The following SAFB variants were observed in gnomAD, a reference collection of about 807,000 sequenced individuals.
The protein encoded by SAFB is scaffold attachment factor B1.
SAFB carries 15 observed loss-of-function variants against 101.6 expected under a neutral mutation model. The observed-to-expected ratio is 0.15, with a 90% CI of 0.10 to 0.23. SAFB has a LOEUF of 0.23. Ranked by LOEUF, SAFB falls within the 10% of genes least tolerant of loss-of-function variation. The probability of loss-of-function intolerance (pLI) is 1.00; values close to 1 mark genes in which losing one functional copy is unlikely to be tolerated. For missense variants in SAFB, 930 were observed against 1,104.1 expected (o/e 0.84, Z 2.23); for synonymous variants, 449 against 407.5 (o/e 1.10, Z -1.23).
intron 15 of SAFB, 119 bp from the exon 16 acceptor site, chr19:5,663,903 G>C: frequency 8.8e-7 from 1 of 1,138,178 alleles, no homozygotes; most frequent in Non-Finnish European, 1.3e-6. Context: ...CTATAGGAGA[G>C]AACACTCTTG....
rs1335720571 is a variant in SAFB, at chr19:5,667,004, A to T, written c.2335-42A>T. 1 of 1,266,520 alleles carries T rather than the reference A, an allele frequency of 7.9e-7. No homozygotes were observed. The highest frequency in any genetic ancestry group is 1.2e-6 in the Non-Finnish European group (1 of 863,128). 78.5% of individuals were successfully genotyped at this position (1,266,520 alleles called of 1,614,324 possible). Reference sequence around the variant, plus strand: ...GAAAAGCCTTGGGGTCTGGGCGCTGACACTGAAGCTTTTTTTTCCCTTCTG... The same window carrying T: ...GAAAAGCCTTGGGGTCTGGGCGCTGTCACTGAAGCTTTTTTTTCCCTTCTG... On this transcript the variant is annotated intron_variant, in intron 17 of 20. Coordinates refer to ENST00000588852, the MANE Select transcript of SAFB (RefSeq NM_001201338.2). The surrounding 1 kb of genome is among the most constrained non-coding windows in gnomAD (Gnocchi z 4.0).
At position 5,653,676 on chromosome 19, in the gene SAFB, G is replaced by T. The variant is rs2053990311; in HGVS notation, c.1526+256G>T. ...GATGGGGTTTCACCATATTGGCCAG[G>T]CTGGTCTTGAACTCCTGACCTTGTG... On this transcript the variant is annotated intron_variant, in intron 11 of 20. Transcript: ENST00000588852. 2.6e-5 allele frequency among the ~76,000 whole-genome samples: 4 copies of T among 152,096 alleles called. No individual in the cohort carries two copies. The South Asian group carries it at 8.3e-4, about 31-fold the overall frequency.
At chr19:5,661,832 A>T in intron 15 of SAFB, 24 bp downstream of exon 15, 1 of 1,482,224 alleles carries the variant, frequency 6.7e-7, no homozygotes, top group African/African-American at 1.4e-5. Context: ...TGCTGCCCTT[A>T]GCACGTGGCG....
intron 4 of SAFB, among the ~76,000 whole-genome samples, chr19:5,643,018 T>C (rs1480168513): frequency 6.6e-6 from 1 of 152,112 alleles, no homozygotes; most frequent in Non-Finnish European, 1.5e-5. Context: ...GTCCCCATTT[T>C]CAGTTGAGGA....
At position 5,653,403 on chromosome 19, in the gene SAFB, G is replaced by A; in HGVS notation, c.1509G>A (p.Lys503=). 1 of 1,614,136 alleles carries A rather than the reference G, an allele frequency of 6.2e-7. No individual in the cohort carries two copies. Among genetic ancestry groups the A allele is most frequent in the Non-Finnish European group, 8.5e-7 (1 of 1,179,990 alleles). The change falls in exon 11 of 21, where the codon AAG becomes AAA. Residue 503 remains lysine, a synonymous_variant. Transcript: ENST00000588852. The part of the protein sequence containing the change: ...DKRDSDGKKE[K]SSNSDRSTNL... Reference sequence around the variant, plus strand: ...GAGACAGTGACGGGAAAAAGGAGAAGTCGAGCAACAGTGACAGGTACCCCT... The same window carrying A: ...GAGACAGTGACGGGAAAAAGGAGAAATCGAGCAACAGTGACAGGTACCCCT...
Position 5,630,918 on chromosome 19 carries a change from G to A in SAFB, c.274+4429G>A, listed in dbSNP as rs181487869. 4.7e-3 allele frequency among the ~76,000 whole-genome samples: 713 copies of A among 152,104 alleles called. 8 individuals carry two copies. Among genetic ancestry groups the A allele is most frequent in the South Asian group, 0.02 (94 of 4,816 alleles). On this transcript the variant is annotated intron_variant, in intron 2 of 20. Coordinates refer to ENST00000588852, the MANE Select transcript of SAFB (RefSeq NM_001201338.2). ...AAAACATGAAACATTTAGGCTGGGC[G>A]TGGTGGCTCATGCCTGTAATCCCAG... is the stretch of plus-strand genomic sequence containing the variant.
At chr19:5,636,681 G>A (rs908559343) in intron 2 of SAFB, among the ~76,000 whole-genome samples, 4 of 151,888 alleles carry the variant, frequency 2.6e-5, no homozygotes, top group African/African-American at 7.3e-5. Context: ...CCAGTTACAA[G>A]AATAGTTTCC....
chr19:5,623,096 G>C lies in SAFB; in HGVS notation c.-110G>C, dbSNP rs1432291902. 2.6e-6 allele frequency: 3 copies of C among 1,157,324 alleles called. No individual in the cohort carries two copies. The highest frequency in any genetic ancestry group is 3.7e-6 in the Non-Finnish European group (3 of 810,406). The allele number at this position is 1,157,324 out of a possible 1,614,324, so 71.7% of individuals were successfully genotyped here. On this transcript the variant is annotated 5_prime_UTR_variant, in exon 1 of 21. Transcript: ENST00000588852. ...GTGCGCCTGCGCAGAAGCGAGGCGCGCTGGGGCGACTGGAGCGGTTCCCTC... is the reference window on the plus strand; with the variant it reads ...GTGCGCCTGCGCAGAAGCGAGGCGCCCTGGGGCGACTGGAGCGGTTCCCTC...
chr19:5,666,026 G>A (rs139618989), intron 17 of SAFB: 1 of 152,286 alleles, frequency 6.6e-6, no homozygotes, highest in African/African-American at 2.4e-5. Flanking sequence ...TCCGTTGAAC[G>A]GGGAGGTGAA....
intron 1 of SAFB, 128 bp from the exon 2 acceptor site, chr19:5,626,277 T>C: frequency 1.6e-6 from 1 of 642,150 alleles, no homozygotes; most frequent in African/African-American, 1.8e-5. Flanking sequence ...GGGCCACAGG[T>C]CCTGGGTGGT....
At chr19:5,658,802 C>T (rs2054125520) in intron 14 of SAFB, among the ~76,000 whole-genome samples, 2 of 149,516 alleles carry the variant, frequency 1.3e-5, no homozygotes, top group South Asian at 4.2e-4. Context: ...AAGATCGCGC[C>T]ACTGCACTCC....
At chr19:5,662,237 C>G (rs954886920) in intron 15 of SAFB, among the ~76,000 whole-genome samples, 1 of 152,140 alleles carries the variant, frequency 6.6e-6, no homozygotes, top group Non-Finnish European at 1.5e-5. Context: ...CTAGTTCACG[C>G]CTGTAATCCT....
intron 2 of SAFB, among the ~76,000 whole-genome samples, chr19:5,639,878 C>T (rs1180644652): frequency 1.3e-5 from 2 of 151,680 alleles, no homozygotes; most frequent in Non-Finnish European, 2.9e-5. Context: ...GCTTTTGTTG[C>T]CCAGGCTGGA....
intron 9 of SAFB, among the ~76,000 whole-genome samples, chr19:5,652,856 C>T (rs1163716496): frequency 6.6e-6 from 1 of 152,138 alleles, no homozygotes; most frequent in Non-Finnish European, 1.5e-5. Flanking sequence ...GGAACACTGG[C>T]AGAACCCTGT....
rs1032361315 is a variant in SAFB at position 5,623,230 on chromosome 19, G to C, written c.25G>C (p.Gly9Arg). The C allele has an allele frequency of 6.2e-7, 1 of 1,604,478 alleles. No individual in the cohort carries two copies. The highest frequency in any genetic ancestry group is 1.3e-5 in the African/African-American group (1 of 74,796). MAETLSGL[G>R]DSGAAGAAAL... ...AATGGCGGAGACTCTGTCAGGCCTA[G>C]GTGATTCTGGAGCGGCGGGCGCGGC... Residue 9 changes from glycine (G) to arginine (R), a missense_variant, in exon 1 of 21, where the codon GGT becomes CGT. Physicochemically the swap from Gly to Arg is moderately radical, Grantham distance 125 (BLOSUM62 -2). Coordinates refer to ENST00000588852, the MANE Select transcript of SAFB (RefSeq NM_001201338.2).
At chr19:5,642,660 T>TTC (rs2145432346) in intron 4 of SAFB, among the ~76,000 whole-genome samples, 1 of 134,164 alleles carries the variant, frequency 7.5e-6, no homozygotes, top group Admixed American at 7.6e-5. Flanking sequence ...TCTTTTTTTT[T>TTC]TTTTTTTTTT....
chr19:5,665,146 C>G (rs2054299800), intron 17 of SAFB: 1 of 152,296 alleles, frequency 6.6e-6, no homozygotes, highest in Non-Finnish European at 1.5e-5. Context: ...GCTTCTGTCC[C>G]CCTTGGTTCC....
intron 1 of SAFB, among the ~76,000 whole-genome samples, chr19:5,623,646 C>T (rs185478346): frequency 5.9e-5 from 9 of 152,230 alleles, no homozygotes; most frequent in Admixed American, 3.3e-4. Flanking sequence ...GAAACGGTGA[C>T]GGGTGACATC....
At chr19:5,645,442 G>T in intron 5 of SAFB, 43 bp downstream of exon 5, 2 of 924,994 alleles carry the variant, frequency 2.2e-6, no homozygotes, top group South Asian at 2.7e-5. Flanking sequence ...TGAAAGGTCA[G>T]ACCACAATTT....
Sources: allele counts gnomAD v4.1 joint callset (sites outside exome capture counted in the v4.1 genomes callset), GRCh38; gene constraint gnomAD v4.1.1; non-coding constraint Gnocchi (gnomAD v3.1); transcripts MANE v1.5; gene names NCBI Gene and HGNC (gene_info 2026-07-23, HGNC 2026-07-21).